The following AFF3 variants were observed in gnomAD, a reference collection of about 807,000 sequenced individuals.
AFF3 encodes the protein ALF transcription elongation factor 3, also known as AF4/FMR2 family member 3.
In AFF3, 32 loss-of-function variants were observed where a neutral mutation model predicts 129.7. The ratio of observed to expected loss-of-function variants is 0.25; its 90% confidence interval spans 0.19 to 0.33. The LOEUF is 0.33. Ranked by LOEUF, AFF3 falls within the 10% of genes least tolerant of loss-of-function variation. The probability of loss-of-function intolerance (pLI) is 1.00; values close to 1 mark genes in which losing one functional copy is unlikely to be tolerated. For synonymous variants in AFF3, 644 were observed against 635.4 expected, an observed-to-expected ratio of 1.01 and a Z score of -0.20; for missense variants, 1,373 against 1,592.0, an observed-to-expected ratio of 0.86 and a Z score of 2.34.
In AFF3 at chr2:100,024,149, G is replaced by A. The variant is rs573172014; in HGVS notation, c.54-15217C>T. On this transcript the variant is annotated intron_variant, in intron 4 of 24. Transcript: ENST00000672756. Reference sequence around the variant, plus strand: ...CGGGAGGCTGAGGCAGGAGAATGGCGTGAACCCGGGAGGCGGAGCTTGCAG... The same window carrying A: ...CGGGAGGCTGAGGCAGGAGAATGGCATGAACCCGGGAGGCGGAGCTTGCAG... 1.7e-4 allele frequency among the ~76,000 whole-genome samples: 24 copies of A among 144,828 alleles called. 1 individual carries two copies. The highest frequency in any genetic ancestry group is 3.8e-3 in the Middle Eastern group (1 of 260).
chr2:99,546,115 TA>T lies in AFF3; in HGVS notation c.*5358del, dbSNP rs1012543369. On this transcript the variant is annotated 3_prime_UTR_variant, in exon 25 of 25. Coordinates refer to ENST00000672756, the MANE Select transcript of AFF3 (RefSeq NM_001386135.1). The stretch of plus-strand genomic sequence containing the variant: ...GGTCAGGTTGTTTTTCCCCTTTCAT[TA>T]AAAAAACTTTCAAGATTCCACTTGA... 2 of 227,998 alleles carry T rather than the reference TA, an allele frequency of 8.8e-6. No individual in the cohort carries two copies. Among genetic ancestry groups the T allele is most frequent in the Non-Finnish European group, 8.7e-6 (1 of 114,852 alleles). 14.1% of individuals were successfully genotyped at this position (227,998 alleles called of 1,614,324 possible). A position where few individuals can be genotyped will look rare whatever the true frequency, so the allele number is the denominator to read the frequency against.
intron 2 of AFF3, among the ~76,000 whole-genome samples, chr2:100,115,692 C>T (rs572529410): frequency 1.3e-5 from 2 of 152,276 alleles, no homozygotes; most frequent in South Asian, 4.1e-4. Context: ...TGTATTATGT[C>T]TATCTTATCT....
intron 13 of AFF3, among the ~76,000 whole-genome samples, chr2:99,638,654 C>G (rs922032415): frequency 6.6e-6 from 1 of 152,142 alleles, no homozygotes; most frequent in Non-Finnish European, 1.5e-5. Context: ...TCCAGCACCT[C>G]AAACCCAGGA....
intron 7 of AFF3, among the ~76,000 whole-genome samples, chr2:99,854,259 A>T (rs1690360619): frequency 1.3e-5 from 2 of 152,096 alleles, no homozygotes; most frequent in African/African-American, 2.4e-5. Flanking sequence ...AAAAAAAAAA[A>T]AAAAAGGAAT....
rs375808112 is a variant in AFF3, at chr2:99,802,489, T to C, written c.921+34988A>G. Among the ~76,000 whole-genome samples, 5 of 152,196 alleles carry C rather than the reference T, an allele frequency of 3.3e-5. No individual in the cohort carries two copies. The East Asian group carries it at 7.7e-4, about 24-fold the overall frequency. ...CTGCCTGGGCAAGATGGTGAGACCC[T>C]GTCTCTACAAAAAATTTTGAAAACT... On this transcript the variant is annotated intron_variant, in intron 8 of 24. Coordinates refer to ENST00000672756, the MANE Select transcript of AFF3 (RefSeq NM_001386135.1).
intron 8 of AFF3, among the ~76,000 whole-genome samples, chr2:99,834,242 A>C (rs1315223703): frequency 6.6e-6 from 1 of 152,212 alleles, no homozygotes; most frequent in Non-Finnish European, 1.5e-5. Context: ...AGGCGTCTTC[A>C]TTAGAATCCC....
chr2:99,600,054 AG>A (rs1679670899), intron 14 of AFF3, among the ~76,000 whole-genome samples: 1 of 152,232 alleles, frequency 6.6e-6, no homozygotes, highest in African/African-American at 2.4e-5. Context: ...ATAATAATTT[AG>A]TTTCTGGGAA....
chr2:99,955,670 AT>A (rs1676574363), intron 7 of AFF3, among the ~76,000 whole-genome samples: 1 of 152,250 alleles, frequency 6.6e-6, no homozygotes, highest in African/African-American at 2.4e-5. Context: ...CAAAAATAAC[AT>A]TCTGCAGAAA....
At chr2:100,132,165 C>T (rs771170026) in intron 1 of AFF3, among the ~76,000 whole-genome samples, 2 of 152,156 alleles carry the variant, frequency 1.3e-5, no homozygotes, top group Non-Finnish European at 2.9e-5. Flanking sequence ...GGAGATCCAT[C>T]GTACAGCATG....
intron 7 of AFF3, among the ~76,000 whole-genome samples, chr2:99,912,944 T>C (rs1695207193): frequency 6.6e-6 from 1 of 152,082 alleles, no homozygotes; most frequent in Admixed American, 6.5e-5. Flanking sequence ...AGGACCAAAA[T>C]AGACAAGAGA....
At chr2:99,557,554 C>G (rs999512302) in intron 22 of AFF3, among the ~76,000 whole-genome samples, 1 of 152,194 alleles carries the variant, frequency 6.6e-6, no homozygotes. Flanking sequence ...CAGCTTCCTT[C>G]TTTATTCAAG....
chr2:100,014,451 T>C (rs1682815720), intron 4 of AFF3, among the ~76,000 whole-genome samples: 1 of 152,132 alleles, frequency 6.6e-6, no homozygotes, highest in African/African-American at 2.4e-5. Flanking sequence ...CTGTGTCAGA[T>C]ACTAGGGAGA....
intron 4 of AFF3, among the ~76,000 whole-genome samples, chr2:100,094,159 G>A (rs574242189): frequency 3.9e-4 from 60 of 152,322 alleles, no homozygotes; most frequent in African/African-American, 1.4e-3. Context: ...TTTTGTAGAC[G>A]ACTTTTTTTC....
intron 8 of AFF3, among the ~76,000 whole-genome samples, chr2:99,782,037 A>C (rs763398674): frequency 6.6e-6 from 1 of 152,224 alleles, no homozygotes. Flanking sequence ...AGTTCAAATA[A>C]ATGAACCCAC....
intron 11 of AFF3, among the ~76,000 whole-genome samples, chr2:99,687,068 T>G (rs1675133983): frequency 1.3e-5 from 2 of 152,230 alleles, no homozygotes; most frequent in Admixed American, 6.5e-5. Flanking sequence ...TGAATTTTCT[T>G]ATCCAGGCAA....
intron 4 of AFF3, among the ~76,000 whole-genome samples, chr2:100,058,968 C>T (rs28710087): frequency 6.6e-6 from 1 of 152,054 alleles, no homozygotes; most frequent in African/African-American, 2.4e-5. Flanking sequence ...AGCAAACATT[C>T]TTGGCCAGGT....
At chr2:100,070,152 C>G (rs1054451678) in intron 4 of AFF3, among the ~76,000 whole-genome samples, 1 of 152,048 alleles carries the variant, frequency 6.6e-6, no homozygotes, top group Non-Finnish European at 1.5e-5. Flanking sequence ...AAAAGTGTCT[C>G]CTGGATTTCT....
intron 8 of AFF3, among the ~76,000 whole-genome samples, chr2:99,831,917 C>T (rs953594644): frequency 6.6e-6 from 1 of 152,186 alleles, no homozygotes; most frequent in Non-Finnish European, 1.5e-5. Flanking sequence ...AAGCACACCT[C>T]TATTTGTTTT....
chr2:100,096,224 T>TCA (rs1423868041), intron 4 of AFF3, among the ~76,000 whole-genome samples: 2 of 152,176 alleles, frequency 1.3e-5, no homozygotes, highest in South Asian at 4.2e-4. Context: ...ACAGTTACTC[T>TCA]CAGCATTCGA....
Sources: allele counts gnomAD v4.1 joint callset (sites outside exome capture counted in the v4.1 genomes callset), GRCh38; gene constraint gnomAD v4.1.1; transcripts MANE v1.5; gene names NCBI Gene and HGNC (gene_info 2026-07-23, HGNC 2026-07-21).